Variants in SMC1B observed in about 807,000 individuals in gnomAD.
SMC1B encodes the protein structural maintenance of chromosomes protein 1B.
In SMC1B, 60 loss-of-function variants were observed where a neutral mutation model predicts 157.9. That is an observed-to-expected ratio of 0.38 (90% CI 0.31 to 0.47). The LOEUF is 0.47. Among genes scored for constraint, SMC1B ranks in the 20% least tolerant of loss-of-function variants. SMC1B has a pLI of 0.99. For missense variants in SMC1B, 1,165 were observed against 1,426.2 expected (o/e 0.82, Z 2.95); for synonymous variants, 445 against 483.0 (o/e 0.92, Z 1.03).
intron 12 of SMC1B, among the ~76,000 whole-genome samples, chr22:45,377,448 C>G (rs1181602653): frequency 6.6e-6 from 1 of 151,780 alleles, no homozygotes. Flanking sequence ...ACCAGCCTGG[C>G]CAGCATGGTG....
chr22:45,413,223 G>A (rs1003264562), intron 1 of SMC1B, among the ~76,000 whole-genome samples: 1 of 151,938 alleles, frequency 6.6e-6, no homozygotes, highest in African/African-American at 2.4e-5. Flanking sequence ...GAGGTGGGGC[G>A]GAGGGACAAG....
chr22:45,402,442 A>G lies in SMC1B; in HGVS notation c.745T>C (p.Leu249=). 1.9e-6 allele frequency: 3 copies of G among 1,613,984 alleles called. No homozygotes were observed. Among genetic ancestry groups the G allele is most frequent in the Non-Finnish European group, 2.5e-6 (3 of 1,179,938 alleles). Residue 249 remains leucine (L), a synonymous_variant, in exon 5 of 25, where the codon TTG becomes CTG. Transcript: ENST00000357450. ...GACAAAGACTCTCTTTTGACACTCA[A>G]ATCCCTATTCACATGCTCTAACTTG... ...NTKLEHVNRD[L]SVKRESLSHH... is the part of the protein sequence containing the mutation.
chr22:45,348,642 A>C (rs2086575856), intron 23 of SMC1B, among the ~76,000 whole-genome samples: 1 of 152,112 alleles, frequency 6.6e-6, no homozygotes, highest in African/African-American at 2.4e-5. Context: ...CAACTCTGGA[A>C]GGTCCTCTAA....
chr22:45,357,935 T>C (rs1397681145), intron 19 of SMC1B, among the ~76,000 whole-genome samples: 2 of 152,162 alleles, frequency 1.3e-5, no homozygotes, highest in Non-Finnish European at 2.9e-5. Context: ...ACCAGGTGAT[T>C]GGAGGGCTGG....
At chr22:45,350,874 C>T (rs752008543) in intron 22 of SMC1B, among the ~76,000 whole-genome samples, 1 of 152,206 alleles carries the variant, frequency 6.6e-6, no homozygotes, top group Non-Finnish European at 1.5e-5. Flanking sequence ...CCGTCTTTCA[C>T]CTTGATTGTG....
At chr22:45,409,494 G>A (rs1297386509) in intron 1 of SMC1B, among the ~76,000 whole-genome samples, 1 of 151,964 alleles carries the variant, frequency 6.6e-6, no homozygotes, top group Non-Finnish European at 1.5e-5. Flanking sequence ...GAACCTAGGA[G>A]GCGGTGGTTG....
At chr22:45,361,018 G>A (rs2086716450) in intron 17 of SMC1B, among the ~76,000 whole-genome samples, 1 of 151,390 alleles carries the variant, frequency 6.6e-6, no homozygotes, top group Admixed American at 6.6e-5. Context: ...TGTTGCCCAG[G>A]CTGGAGTGCA....
intron 1 of SMC1B, among the ~76,000 whole-genome samples, chr22:45,409,789 A>G (rs2146859313): frequency 6.6e-6 from 1 of 152,290 alleles, no homozygotes; most frequent in East Asian, 1.9e-4. Context: ...GAGGGTTTCT[A>G]ACATTCCCTA....
At chr22:45,404,650 A>C (rs1180415583) in intron 4 of SMC1B, among the ~76,000 whole-genome samples, 1 of 152,182 alleles carries the variant, frequency 6.6e-6, no homozygotes, top group Non-Finnish European at 1.5e-5. Context: ...AACTCTTTCA[A>C]TCAATTGCCA....
At chr22:45,372,915 G>A (rs374003951) in intron 12 of SMC1B, among the ~76,000 whole-genome samples, 1 of 151,924 alleles carries the variant, frequency 6.6e-6, no homozygotes, top group South Asian at 2.1e-4. Flanking sequence ...GGGTTTCATC[G>A]TGTTAGCCAG....
chr22:45,380,000 G>A (rs759251618), intron 12 of SMC1B, among the ~76,000 whole-genome samples: 1 of 152,086 alleles, frequency 6.6e-6, no homozygotes, highest in Non-Finnish European at 1.5e-5. Context: ...GCCTCCCAAA[G>A]TGCTGGGATT....
intron 22 of SMC1B, among the ~76,000 whole-genome samples, 162 bp downstream of exon 22, chr22:45,352,289 T>A (rs1412501722): frequency 6.6e-6 from 1 of 152,140 alleles, no homozygotes; most frequent in African/African-American, 2.4e-5. Context: ...AAGTCTAAAT[T>A]GTTGTAGGCC....
chr22:45,395,101 A>G (rs1345364021), intron 7 of SMC1B, among the ~76,000 whole-genome samples: 1 of 152,226 alleles, frequency 6.6e-6, no homozygotes, highest in African/African-American at 2.4e-5. Flanking sequence ...TTTTGCAACA[A>G]TCTAAATATA....
intron 19 of SMC1B, among the ~76,000 whole-genome samples, chr22:45,355,769 A>C (rs926825476): frequency 1.3e-5 from 2 of 152,134 alleles, no homozygotes; most frequent in African/African-American, 4.8e-5. Context: ...CCACAAATAC[A>C]ATCAGAGTAC....
rs1228631082 is a variant in SMC1B at position 45,383,611 on chromosome 22, T to G, written c.1914A>C (p.Thr638=). 2 of 1,583,882 alleles carry G rather than the reference T, an allele frequency of 1.3e-6. No homozygotes were observed. Among genetic ancestry groups the G allele is most frequent in the Non-Finnish European group, 8.5e-7 (1 of 1,172,070 alleles). Residue 638 remains threonine (T), a splice_region_variant and synonymous_variant, in exon 12 of 25, where the codon ACA becomes ACC. Transcript: ENST00000357450. ...AAAATAATGTTCCATCAAGAGCTAC[T>G]GTCTGTAAAAGTAAAAATATTTTGC... ...IALSGPERQK[T]VALDGTLFLK...
intron 1 of SMC1B, among the ~76,000 whole-genome samples, chr22:45,410,552 A>T (rs1056512768): frequency 6.6e-6 from 1 of 152,024 alleles, no homozygotes; most frequent in Non-Finnish European, 1.5e-5. Context: ...AAATACAAAA[A>T]ATTAGCCAGC....
chr22:45,349,741 G>C lies in SMC1B; in HGVS notation c.3482C>G (p.Thr1161Ser). Residue 1161 changes from threonine to serine, a missense_variant, in exon 23 of 25, where the codon ACT becomes AGT. By Grantham distance (58) the Thr-to-Ser change is moderately conservative. Transcript: ENST00000357450. ...LDEVDAALDN[T>S]NIGKVSSYIK... ...GCAGAAACTTACTTTGCCTATGTTA[G>C]TATTGTCTAGGGCTGCATCCACTTC... The C allele has an allele frequency of 6.2e-7, 1 of 1,612,808 alleles. No individual in the cohort carries two copies. The highest frequency in any genetic ancestry group is 8.5e-7 in the Non-Finnish European group (1 of 1,179,474).
At chr22:45,413,358 C>A in intron 1 of SMC1B, 101 bp downstream of exon 1, 1 of 921,272 alleles carries the variant, frequency 1.1e-6, no homozygotes, top group South Asian at 1.7e-5. Flanking sequence ...GGAAGGCCGG[C>A]CAGGCGCCCG....
intron 15 of SMC1B, among the ~76,000 whole-genome samples, chr22:45,365,099 A>G (rs1159307318): frequency 1.3e-5 from 2 of 151,848 alleles, no homozygotes; most frequent in African/African-American, 4.8e-5. Context: ...AGCCTCCCAA[A>G]GTGCTGGGAT....
Sources: gnomAD v4.1 joint callset for allele counts (sites outside exome capture counted in the v4.1 genomes callset) on GRCh38, gnomAD v4.1.1 for gene constraint, MANE v1.5 for transcripts, NCBI Gene and HGNC (gene_info 2026-07-23, HGNC 2026-07-21) for gene names.